PTPRM: variants seen among roughly 807,000 people sequenced by gnomAD.
PTPRM encodes the protein receptor-type tyrosine-protein phosphatase mu.
Under a neutral mutation model 186.7 loss-of-function variants are expected in PTPRM, and 47 were observed. The ratio of observed to expected loss-of-function variants is 0.25; its 90% CI spans 0.20 to 0.32. The LOEUF (loss-of-function observed/expected upper bound fraction) is 0.32. PTPRM is among the 10% of genes least tolerant of loss of function. The pLI is 1.00. For synonymous variants in PTPRM, 668 were observed against 674.9 expected (o/e 0.99, Z 0.16); for missense variants, 1,494 against 1,865.0 (o/e 0.80, Z 3.66).
intron 7 of PTPRM, among the ~76,000 whole-genome samples, chr18:8,019,794 TTATAA>T (rs199870920): frequency 0.028 from 4,127 of 147,602 alleles, 111 homozygotes; most frequent in African/African-American, 0.07. Context: ...AACTAATAAT[TTATAA>T]TATAATATAA....
intron 7 of PTPRM, among the ~76,000 whole-genome samples, chr18:7,989,111 A>C (rs569270258): frequency 6.6e-6 from 1 of 152,094 alleles, no homozygotes; most frequent in Admixed American, 6.6e-5. Flanking sequence ...AATTCACTCT[A>C]TATTTGTTTT....
At chr18:7,832,933 C>T (rs2045835458) in intron 2 of PTPRM, among the ~76,000 whole-genome samples, 1 of 152,012 alleles carries the variant, frequency 6.6e-6, no homozygotes, top group South Asian at 2.1e-4. Flanking sequence ...TACTGTAGGT[C>T]TGTGGATTTG....
chr18:7,931,241 AT>A (rs57815962), intron 5 of PTPRM, among the ~76,000 whole-genome samples: 130,324 of 152,076 alleles, frequency 0.86, 56,117 homozygotes, highest in East Asian at 0.94. Context: ...TATTACTGTA[AT>A]TTTTTGCTAT....
At chr18:7,794,004 G>C (rs1271622943) in intron 2 of PTPRM, among the ~76,000 whole-genome samples, 1 of 152,224 alleles carries the variant, frequency 6.6e-6, no homozygotes, top group African/African-American at 2.4e-5. Flanking sequence ...GCGGAGGTTA[G>C]CCTGGGGCAG....
chr18:7,580,582 TA>T (rs1209503098), intron 1 of PTPRM, among the ~76,000 whole-genome samples: 1 of 152,182 alleles, frequency 6.6e-6, no homozygotes, highest in Non-Finnish European at 1.5e-5. Flanking sequence ...TTGATAGTCA[TA>T]AGTGATAACC....
chr18:7,869,696 G>C (rs767701850), intron 2 of PTPRM, among the ~76,000 whole-genome samples: 2 of 152,198 alleles, frequency 1.3e-5, no homozygotes, highest in Non-Finnish European at 2.9e-5. Context: ...CCCAAGGAAA[G>C]CAATGATCTT....
At chr18:7,635,767 A>C (rs549585952) in intron 1 of PTPRM, among the ~76,000 whole-genome samples, 1 of 152,354 alleles carries the variant, frequency 6.6e-6, no homozygotes, top group Admixed American at 6.5e-5. Context: ...ACACAGAACG[A>C]GTCTCTGGGG....
chr18:8,183,376 C>A (rs1371930290), intron 14 of PTPRM, among the ~76,000 whole-genome samples: 1 of 152,136 alleles, frequency 6.6e-6, no homozygotes, highest in Non-Finnish European at 1.5e-5. Flanking sequence ...ATAATATAAT[C>A]AATCGGGAGA....
At chr18:7,611,705 A>G (rs1222120706) in intron 1 of PTPRM, among the ~76,000 whole-genome samples, 7 of 152,120 alleles carry the variant, frequency 4.6e-5, no homozygotes, top group African/African-American at 7.2e-5. Flanking sequence ...TGCTGTTCTC[A>G]TGATAGTGAA....
chr18:8,315,605 C>T (rs2095303736), intron 21 of PTPRM, among the ~76,000 whole-genome samples: 1 of 152,150 alleles, frequency 6.6e-6, no homozygotes, highest in African/African-American at 2.4e-5. Flanking sequence ...TTTCTGCTCC[C>T]TTGTGGTTCC....
At chr18:7,622,246 C>CT (rs199674079) in intron 1 of PTPRM, among the ~76,000 whole-genome samples, 31 of 151,112 alleles carry the variant, frequency 2.1e-4, no homozygotes, top group Admixed American at 4.0e-4. Flanking sequence ...TGTATTTGTT[C>CT]TTTTTTTTTG....
chr18:7,714,886 AC>A (rs1487330882), intron 1 of PTPRM, among the ~76,000 whole-genome samples: 1 of 152,184 alleles, frequency 6.6e-6, no homozygotes, highest in Non-Finnish European at 1.5e-5. Flanking sequence ...TTGCCTACCA[AC>A]CAAAAAAAGC....
At chr18:8,321,950 A>G (rs1328480409) in intron 22 of PTPRM, among the ~76,000 whole-genome samples, 1 of 152,184 alleles carries the variant, frequency 6.6e-6, no homozygotes, top group Non-Finnish European at 1.5e-5. Flanking sequence ...ATTGGCATGG[A>G]CAGGTAGAAT....
intron 14 of PTPRM, among the ~76,000 whole-genome samples, chr18:8,211,377 C>CTTTTTTTTTTTTTTTTTTTTT (rs970926126): frequency 7.1e-4 from 62 of 87,232 alleles, no homozygotes; most frequent in Non-Finnish European, 8.0e-4. Flanking sequence ...GTCTCTTCTT[C>CTTTTTTTTTTTTTTTTTTTTT]TTTTTTTTTT....
intron 19 of PTPRM, among the ~76,000 whole-genome samples, chr18:8,254,454 G>A (rs532368451): frequency 3.3e-5 from 5 of 152,156 alleles, no homozygotes; most frequent in Admixed American, 6.5e-5. Context: ...AAATCAGTCC[G>A]CAGTCATTGA....
intron 2 of PTPRM, among the ~76,000 whole-genome samples, chr18:7,843,928 C>T (rs2046468259): frequency 6.6e-6 from 1 of 152,108 alleles, no homozygotes; most frequent in African/African-American, 2.4e-5. Context: ...AGGTGTGGAC[C>T]ACCTGGGGCT....
chr18:8,193,759 T>G (rs2093738959), intron 14 of PTPRM, among the ~76,000 whole-genome samples: 1 of 152,238 alleles, frequency 6.6e-6, no homozygotes, highest in Admixed American at 6.5e-5. Context: ...GGCCAAGGCT[T>G]AAAGAGAAAG....
chr18:7,999,208 A>G (rs1346529563), intron 7 of PTPRM, among the ~76,000 whole-genome samples: 1 of 152,116 alleles, frequency 6.6e-6, no homozygotes, highest in African/African-American at 2.4e-5. Context: ...TGTCATGCAC[A>G]TCTTTGGGAT....
At chr18:7,935,233 C>T (rs2051732533) in intron 5 of PTPRM, among the ~76,000 whole-genome samples, 1 of 152,106 alleles carries the variant, frequency 6.6e-6, no homozygotes, top group African/African-American at 2.4e-5. Flanking sequence ...GGAGGACTGT[C>T]TTTAGTTGCT....
Sources: gnomAD v4.1 joint callset for allele counts (sites outside exome capture counted in the v4.1 genomes callset) on GRCh38, gnomAD v4.1.1 for gene constraint, MANE v1.5 for transcripts, NCBI Gene and HGNC (gene_info 2026-07-23, HGNC 2026-07-21) for gene names.